The following NCAM2 variants were observed in gnomAD, a reference collection of about 807,000 sequenced individuals.
The protein encoded by NCAM2 is N-CAM-2.
A neutral mutation model predicts 98.1 loss-of-function variants in NCAM2; 30 were observed. That is an observed-to-expected ratio of 0.31 (90% confidence interval 0.23 to 0.41). The LOEUF is 0.41. NCAM2 is among the 10% of genes least tolerant of loss of function. NCAM2 has a pLI of 1.00. For missense variants in NCAM2, 867 were observed against 1,005.8 expected, an observed-to-expected ratio of 0.86 and a Z score of 1.87; for synonymous variants, 368 against 342.4, an observed-to-expected ratio of 1.07 and a Z score of -0.83.
chr21:21,441,896 G>A (rs552964750), intron 12 of NCAM2, among the ~76,000 whole-genome samples: 2 of 152,220 alleles, frequency 1.3e-5, no homozygotes, highest in African/African-American at 4.8e-5. Flanking sequence ...ACGAGGCTAG[G>A]CAAAGGGGTA....
chr21:21,303,912 C>G (rs2073804072), intron 5 of NCAM2, among the ~76,000 whole-genome samples: 1 of 152,114 alleles, frequency 6.6e-6, no homozygotes, highest in Non-Finnish European at 1.5e-5. Flanking sequence ...CAGCATTGAT[C>G]ATTTTTGGTA....
intron 15 of NCAM2, among the ~76,000 whole-genome samples, chr21:21,488,591 A>G (rs535832707): frequency 5.8e-4 from 89 of 152,148 alleles, no homozygotes; most frequent in African/African-American, 2.1e-3. Context: ...TATCAATACA[A>G]TAATACAATA....
At chr21:21,318,701 T>A (rs954946795) in intron 5 of NCAM2, among the ~76,000 whole-genome samples, 3 of 152,128 alleles carry the variant, frequency 2.0e-5, no homozygotes, top group African/African-American at 4.8e-5. Context: ...GAATTTCAAT[T>A]ATGGTTAATT....
At chr21:21,442,673 G>A (rs1160164102) in intron 12 of NCAM2, among the ~76,000 whole-genome samples, 1 of 151,824 alleles carries the variant, frequency 6.6e-6, no homozygotes, top group African/African-American at 2.4e-5. Context: ...TGCAGAGAGG[G>A]GAAAGAAAAG....
chr21:21,163,513 C>G (rs1231366936), intron 1 of NCAM2, among the ~76,000 whole-genome samples: 1 of 151,894 alleles, frequency 6.6e-6, no homozygotes, highest in African/African-American at 2.4e-5. Context: ...TTGTTAGATT[C>G]AAAACATTGA....
Position 21,373,968 on chromosome 21 carries a change from A to G in NCAM2, c.1150A>G (p.Ser384Gly). The change falls in exon 9 of 18, where the codon AGC becomes GGC. Residue 384 changes from serine to glycine, a missense_variant. This residue lies in a region of NCAM2 where 447 missense variants were observed against 495.7 expected (regional missense o/e 0.90). Transcript: ENST00000400546. ...AGGGAGATATGACTGTGAAGCTGCA[A>G]GCAGAATTGGAGGGCATCAAAAGAG... Reference protein sequence around the residue: ...DSGRYDCEAASRIGGHQKSMY... With the variant: ...DSGRYDCEAAGRIGGHQKSMY... The G allele has an allele frequency of 6.2e-7, 1 of 1,611,220 alleles. No individual in the cohort carries two copies.
chr21:21,506,844 GT>G (rs1459260116), intron 15 of NCAM2, among the ~76,000 whole-genome samples: 1 of 151,956 alleles, frequency 6.6e-6, no homozygotes, highest in African/African-American at 2.4e-5. Flanking sequence ...TTTATCACTA[GT>G]TTTTCTTCAT....
chr21:21,325,212 A>G (rs1489955122), intron 6 of NCAM2, among the ~76,000 whole-genome samples: 4 of 152,180 alleles, frequency 2.6e-5, no homozygotes, highest in African/African-American at 9.6e-5. Flanking sequence ...AGCATTAGCT[A>G]CAAGTATTTA....
chr21:21,537,634 T>C (rs1195149963), intron 17 of NCAM2, among the ~76,000 whole-genome samples: 1 of 152,132 alleles, frequency 6.6e-6, no homozygotes, highest in Non-Finnish European at 1.5e-5. Flanking sequence ...TTTAGATCTT[T>C]TTAAATCTAT....
At chr21:21,445,516 C>T (rs1489633851) in intron 12 of NCAM2, among the ~76,000 whole-genome samples, 1 of 152,038 alleles carries the variant, frequency 6.6e-6, no homozygotes, top group Non-Finnish European at 1.5e-5. Context: ...TGTGGGTGCT[C>T]CTGTATTGGA....
At chr21:21,413,129 AG>A (rs2076921068) in intron 10 of NCAM2, among the ~76,000 whole-genome samples, 1 of 152,180 alleles carries the variant, frequency 6.6e-6, no homozygotes, top group Non-Finnish European at 1.5e-5. Context: ...GTAAAGGTCA[AG>A]GTCATCAAAA....
chr21:21,087,239 C>T (rs1374800421), intron 1 of NCAM2, among the ~76,000 whole-genome samples: 1 of 152,148 alleles, frequency 6.6e-6, no homozygotes, highest in African/African-American at 2.4e-5. Flanking sequence ...CTGTTTGCCC[C>T]TTTGGATTTC....
At chr21:21,473,343 A>G (rs1257794442) in intron 14 of NCAM2, among the ~76,000 whole-genome samples, 1 of 141,870 alleles carries the variant, frequency 7.0e-6, no homozygotes, top group South Asian at 2.1e-4. Context: ...TATATATGCA[A>G]TTATATATAA....
Position 21,369,659 on chromosome 21 carries a change from G to A in NCAM2, c.1045-4204G>A, listed in dbSNP as rs1298540388. On this transcript the variant is annotated intron_variant, in intron 8 of 17. Coordinates refer to ENST00000400546, the MANE Select transcript of NCAM2 (RefSeq NM_004540.5). ...TGGTAGCCACTCCAATGAATGCTAA[G>A]TGGTATCATGATTTTGATTTAAATG... Among the ~76,000 whole-genome samples the A allele has an allele frequency of 7.2e-5, 11 of 151,806 alleles. No individual in the cohort carries two copies. In the Admixed American group the frequency reaches 7.3e-4, roughly 10 times the overall value.
At position 21,542,088 on chromosome 21, in the gene NCAM2, A is replaced by C. The variant is rs957157204; in HGVS notation, c.*4131A>C. 1.3e-5 allele frequency: 2 copies of C among 151,922 alleles called. No individual in the cohort carries two copies. Among genetic ancestry groups the C allele is most frequent in the African/African-American group, 4.8e-5 (2 of 41,434 alleles). The allele number at this position is 151,922 out of a possible 1,614,324, so 9.4% of individuals were successfully genotyped here. ...CTTCATCTTAGAAGGTAAAATTTTC[A>C]AGAAAGTATTTTATTCATGGACTTA... On this transcript the variant is annotated 3_prime_UTR_variant, in exon 18 of 18. Transcript: ENST00000400546.
At chr21:21,002,725 C>T (rs1434725090) in intron 1 of NCAM2, among the ~76,000 whole-genome samples, 1 of 151,938 alleles carries the variant, frequency 6.6e-6, no homozygotes, top group Non-Finnish European at 1.5e-5. Flanking sequence ...TGCCCTATTT[C>T]CCCCCAAAAT....
In NCAM2 at chr21:21,049,622, A is replaced by G. The variant is rs150131741; in HGVS notation, c.55+51004A>G. 9.6e-3 allele frequency among the ~76,000 whole-genome samples: 1,465 copies of G among 152,088 alleles called. 19 individuals are homozygous for G. The highest frequency in any genetic ancestry group is 0.034 in the African/African-American group (1,408 of 41,498). ...CGTGGGGGCTCACACCTATAATCCCAGCACTTTGGGAGGCCTAGGTGGGCA... is the reference window on the plus strand; with the variant it reads ...CGTGGGGGCTCACACCTATAATCCCGGCACTTTGGGAGGCCTAGGTGGGCA... On this transcript the variant is annotated intron_variant, in intron 1 of 17. Coordinates refer to ENST00000400546, the MANE Select transcript of NCAM2 (RefSeq NM_004540.5).
rs1056705759 is a variant in NCAM2 at position 21,235,279 on chromosome 21, A to G, written c.56-45299A>G. Among the ~76,000 whole-genome samples the G allele has an allele frequency of 2.0e-5, 3 of 152,156 alleles. 1 individual carries two copies. Among genetic ancestry groups the G allele is most frequent in the Admixed American group, 2.0e-4 (3 of 15,260 alleles). ...CTTAATGAAATGAGTTACATTTTATATTACAGCTTTTGGCAAGGAAGAAGT... is the reference window on the plus strand; with the variant it reads ...CTTAATGAAATGAGTTACATTTTATGTTACAGCTTTTGGCAAGGAAGAAGT... On this transcript the variant is annotated intron_variant, in intron 1 of 17. Coordinates refer to ENST00000400546, the MANE Select transcript of NCAM2 (RefSeq NM_004540.5).
chr21:21,057,085 A>G (rs1251202221), intron 1 of NCAM2, among the ~76,000 whole-genome samples: 3 of 152,084 alleles, frequency 2.0e-5, no homozygotes, highest in African/African-American at 7.2e-5. Flanking sequence ...GCTAACCACT[A>G]TAGTATTGAA....
Sources: allele counts gnomAD v4.1 joint callset (sites outside exome capture counted in the v4.1 genomes callset), GRCh38; gene constraint gnomAD v4.1.1; regional missense constraint gnomAD v4.1.1; transcripts MANE v1.5; gene names NCBI Gene and HGNC (gene_info 2026-07-23, HGNC 2026-07-21).